The following DNAJC15 variants were observed in gnomAD, a reference collection of about 807,000 sequenced individuals.
DNAJC15 encodes the protein dnaJ homolog subfamily C member 15.
In DNAJC15, 27 loss-of-function variants were observed where a neutral mutation model predicts 22.4. That is an observed-to-expected ratio of 1.20 (90% CI 0.89 to 1.66). DNAJC15 has a LOEUF of 1.66. Ranked by LOEUF, DNAJC15 falls within the 40% of genes most tolerant of loss-of-function variation. The pLI, the probability that DNAJC15 is intolerant of heterozygous loss-of-function variation, is 0.00. For missense variants in DNAJC15, 208 were observed against 187.1 expected (o/e 1.11, Z -0.65); for synonymous variants, 79 against 63.2 (o/e 1.25, Z -1.19).
At chr13:43,065,047 CTAATAGTT>C (rs985587501) in intron 1 of DNAJC15, among the ~76,000 whole-genome samples, 10 of 151,062 alleles carry the variant, frequency 6.6e-5, no homozygotes, top group African/African-American at 2.4e-4. Flanking sequence ...TATTGTGACA[CTAATAGTT>C]TCCTGAGATG....
chr13:43,054,401 TA>T (rs2040519726), intron 1 of DNAJC15, among the ~76,000 whole-genome samples: 1 of 152,172 alleles, frequency 6.6e-6, no homozygotes, highest in Non-Finnish European at 1.5e-5. Context: ...GTTTTGGTAT[TA>T]GGGTGATAAC....
At chr13:43,025,032 C>T (rs572391583) in intron 1 of DNAJC15, among the ~76,000 whole-genome samples, 7 of 151,950 alleles carry the variant, frequency 4.6e-5, no homozygotes, top group African/African-American at 9.7e-5. Flanking sequence ...TGCACTCCAG[C>T]CTGAGAGACA....
At chr13:43,023,899 T>C (rs1341724431) in intron 1 of DNAJC15, among the ~76,000 whole-genome samples, 165 bp downstream of exon 1, 1 of 152,262 alleles carries the variant, frequency 6.6e-6, no homozygotes, top group East Asian at 1.9e-4. Flanking sequence ...TGCTGGGCTT[T>C]GACGCCTGGG....
chr13:43,026,226 A>G (rs1323253327), intron 1 of DNAJC15, among the ~76,000 whole-genome samples: 1 of 152,238 alleles, frequency 6.6e-6, no homozygotes, highest in Non-Finnish European at 1.5e-5. Context: ...TTCAGTCTGT[A>G]CTAAAACAGT....
At chr13:43,050,948 T>C (rs2040500037) in intron 1 of DNAJC15, among the ~76,000 whole-genome samples, 5 of 152,074 alleles carry the variant, frequency 3.3e-5, no homozygotes, top group African/African-American at 1.2e-4. Context: ...TAATTTGGGT[T>C]TCTTTTTGTT....
chr13:43,040,728 T>G (rs2040449709), intron 1 of DNAJC15, among the ~76,000 whole-genome samples: 1 of 152,096 alleles, frequency 6.6e-6, no homozygotes, highest in African/African-American at 2.4e-5. Context: ...TTGGTCATTC[T>G]TGGGTGTTTC....
At chr13:43,099,442 A>G (rs1005936708) in intron 5 of DNAJC15, among the ~76,000 whole-genome samples, 1 of 152,202 alleles carries the variant, frequency 6.6e-6, no homozygotes, top group African/African-American at 2.4e-5. Flanking sequence ...TTAAGAACAG[A>G]CATCCTTGTC....
At chr13:43,091,458 GT>G in intron 5 of DNAJC15, among the ~76,000 whole-genome samples, 1 of 152,202 alleles carries the variant, frequency 6.6e-6, no homozygotes, top group African/African-American at 2.4e-5. Context: ...TTTTTGGTTA[GT>G]TTTTTTCTTA....
intron 1 of DNAJC15, among the ~76,000 whole-genome samples, chr13:43,029,401 C>T (rs1214426596): frequency 6.6e-6 from 1 of 152,126 alleles, no homozygotes; most frequent in East Asian, 1.9e-4. Flanking sequence ...CTGAAATGTT[C>T]AGTCTCAAAA....
chr13:43,072,041 C>T (rs1315678300), intron 3 of DNAJC15, among the ~76,000 whole-genome samples: 1 of 152,188 alleles, frequency 6.6e-6, no homozygotes, highest in African/African-American at 2.4e-5. Flanking sequence ...GAGACTAAGC[C>T]TTAGTGCCTG....
Position 43,075,365 on chromosome 13 carries a change from A to G in DNAJC15, c.235-3247A>G, listed in dbSNP as rs147354547. Among the ~76,000 whole-genome samples, 7 of 152,338 alleles carry G rather than the reference A, an allele frequency of 4.6e-5. No individual in the cohort carries two copies. In the East Asian group the frequency reaches 1.2e-3, roughly 25 times the overall value. On this transcript the variant is annotated intron_variant, in intron 3 of 5. Transcript: ENST00000379221. ...TTTAAGATTAATGAGCTTGGTGACT[A>G]TAGTGGGAATGACAGTTTATGAAAC...
chr13:43,040,414 C>T (rs2040447994), intron 1 of DNAJC15, among the ~76,000 whole-genome samples: 1 of 152,008 alleles, frequency 6.6e-6, no homozygotes, highest in African/African-American at 2.4e-5. Flanking sequence ...AATCTGTTAC[C>T]TGGTTATCAT....
At chr13:43,071,143 A>AG (rs1328728740) in intron 3 of DNAJC15, among the ~76,000 whole-genome samples, 2 of 152,234 alleles carry the variant, frequency 1.3e-5, no homozygotes, top group African/African-American at 4.8e-5. Flanking sequence ...TTGTAAAGGA[A>AG]GAGAGAGCAA....
rs961024141 is a variant in DNAJC15, at chr13:43,109,939, G to A, written c.*2691G>A. The A allele has an allele frequency of 6.0e-5, 9 of 150,880 alleles. No homozygotes were observed. Among genetic ancestry groups the A allele is most frequent in the African/African-American group, 2.0e-4 (8 of 40,212 alleles). 9.3% of individuals were successfully genotyped at this position (150,880 alleles called of 1,614,324 possible). On this transcript the variant is annotated 3_prime_UTR_variant, in exon 6 of 6. Transcript: ENST00000379221. ...GTGTAAAGCATTTAGTCACGTAAAT[G>A]CTTAAAAAAATGTAATTTTTACTTC...
intron 3 of DNAJC15, among the ~76,000 whole-genome samples, chr13:43,076,127 G>C (rs1262812770): frequency 6.6e-6 from 1 of 152,100 alleles, no homozygotes; most frequent in East Asian, 1.9e-4. Context: ...CTTGTGTCAG[G>C]GGTGGGGGAC....
chr13:43,065,741 A>G lies in DNAJC15; in HGVS notation c.160+4A>G, dbSNP rs2040580452. The G allele has an allele frequency of 6.2e-7, 1 of 1,612,994 alleles. No homozygotes were observed. The highest frequency in any genetic ancestry group is 1.1e-5 in the South Asian group (1 of 91,034). ...GTTGCAGCTCTTGCATTTGCAGGTA[A>G]GATAAAGAATACATACCAATAAATT... On this transcript the variant is annotated splice_donor_region_variant and intron_variant, in intron 2 of 5. Transcript: ENST00000379221.
intron 1 of DNAJC15, among the ~76,000 whole-genome samples, chr13:43,060,421 A>G (rs1364735231): frequency 6.6e-6 from 1 of 152,176 alleles, no homozygotes; most frequent in African/African-American, 2.4e-5. Context: ...GAAAATAGGT[A>G]TTAAAGGACT....
intron 1 of DNAJC15, among the ~76,000 whole-genome samples, chr13:43,043,433 A>G (rs2040462789): frequency 6.6e-6 from 1 of 152,216 alleles, no homozygotes; most frequent in Admixed American, 6.5e-5. Flanking sequence ...TATTATGAGA[A>G]AGTAGAGCCA....
intron 1 of DNAJC15, among the ~76,000 whole-genome samples, chr13:43,062,012 T>A (rs2040561579): frequency 1.3e-5 from 2 of 152,210 alleles, no homozygotes; most frequent in African/African-American, 4.8e-5. Context: ...GTGACTGGTA[T>A]GTAGTGATGA....
Sources: allele counts gnomAD v4.1 joint callset (sites outside exome capture counted in the v4.1 genomes callset), GRCh38; gene constraint gnomAD v4.1.1; transcripts MANE v1.5; gene names NCBI Gene and HGNC (gene_info 2026-07-23, HGNC 2026-07-21).